FILIP1: variants seen among roughly 807,000 people sequenced by gnomAD.
FILIP1 encodes filamin-A-interacting protein 1.
In FILIP1, 61 loss-of-function variants were observed where a neutral mutation model predicts 102.1. The observed-to-expected ratio is 0.60, with a 90% CI of 0.49 to 0.74. FILIP1 has a LOEUF of 0.74. Among genes scored for constraint, FILIP1 ranks in the 30% least tolerant of loss-of-function variants. The probability of loss-of-function intolerance (pLI) is 0.00; values close to 1 mark genes in which losing one functional copy is unlikely to be tolerated. For synonymous variants in FILIP1, 491 were observed against 526.9 expected, an observed-to-expected ratio of 0.93 and a Z score of 0.93; for missense variants, 1,314 against 1,441.2, an observed-to-expected ratio of 0.91 and a Z score of 1.43.
chr6:75,417,383 CAAAT>C (rs1777303422), intron 1 of FILIP1, among the ~76,000 whole-genome samples: 1 of 152,128 alleles, frequency 6.6e-6, no homozygotes, highest in African/African-American at 2.4e-5. Context: ...TCAGCAATAA[CAAAT>C]GAATCAAGAA....
chr6:75,319,307 G>A (rs2149559626), intron 4 of FILIP1: 1 of 657,726 alleles, frequency 1.5e-6, no homozygotes, highest in Non-Finnish European at 2.9e-6. Context: ...CAATGGGCAG[G>A]CCAGGATGTT....
At position 75,313,682 on chromosome 6, in the gene FILIP1, C is replaced by A. The variant is rs1366435624; in HGVS notation, c.2150G>T (p.Ser717Ile). The change falls in exon 5 of 6, where the codon AGT (serine) becomes ATT (isoleucine). Residue 717 changes from serine to isoleucine, a missense_variant. Ser to Ile is a moderately radical substitution (Grantham distance 142). This residue lies in a region of FILIP1 where 816 missense variants were observed against 913.1 expected (regional missense o/e 0.89). Coordinates refer to ENST00000237172, the MANE Select transcript of FILIP1 (RefSeq NM_015687.5). The surrounding 1 kb of genome is among the most constrained non-coding windows in gnomAD (Gnocchi z 4.2). ...RHRFRLEEAK[S>I]RDLKAEVQAL... ...TTGTACTTCGGCTTTTAAGTCTCGA[C>A]TTTTAGCTTCTTCCAACCGAAATCT... 1 of 1,562,998 alleles carries A rather than the reference C, an allele frequency of 6.4e-7. No homozygotes were observed. Among genetic ancestry groups the A allele is most frequent in the Admixed American group, 2.0e-5 (1 of 50,530 alleles).
downstream of FILIP1, among the ~76,000 whole-genome samples, chr6:75,304,512 G>A (rs958811428): frequency 6.6e-6 from 1 of 152,112 alleles, no homozygotes; most frequent in South Asian, 2.1e-4. Flanking sequence ...TACCATGCCT[G>A]GCCAGATAAC....
At chr6:75,306,099 G>A (rs1008767036), downstream of FILIP1, among the ~76,000 whole-genome samples, 4 of 152,174 alleles carry the variant, frequency 2.6e-5, no homozygotes, top group Non-Finnish European at 4.4e-5. Context: ...GTGGCTTAAA[G>A]CAAAGCTATC....
chr6:75,294,902 A>C (rs1326710069), exon 7 of FILIP1: 5 of 112,884 alleles, frequency 4.4e-5, no homozygotes, highest in Admixed American at 1.3e-4. Context: ...TAAGACTCTC[A>C]CTGTGTTGCC....
intron 2 of FILIP1, among the ~76,000 whole-genome samples, chr6:75,374,087 C>A (rs963652088): frequency 6.6e-6 from 1 of 152,168 alleles, no homozygotes; most frequent in African/African-American, 2.4e-5. Context: ...TCACTGTCAT[C>A]CACGGATTTG....
chr6:75,341,207 C>T (rs1196834379), intron 4 of FILIP1, among the ~76,000 whole-genome samples: 1 of 150,858 alleles, frequency 6.6e-6, no homozygotes, highest in East Asian at 1.9e-4. Context: ...GTTACCCAGG[C>T]TGGAGTGCAG....
intron 4 of FILIP1, among the ~76,000 whole-genome samples, chr6:75,352,750 A>T (rs1203331293): frequency 6.6e-6 from 1 of 151,958 alleles, no homozygotes; most frequent in Non-Finnish European, 1.5e-5. Context: ...CCTTCCTGAA[A>T]AGCAGATTTC....
At chr6:75,478,256 T>C (rs1779546152) in intron 1 of FILIP1, among the ~76,000 whole-genome samples, 1 of 152,134 alleles carries the variant, frequency 6.6e-6, no homozygotes, top group Non-Finnish European at 1.5e-5. Flanking sequence ...GAGTGGCTTC[T>C]TCCAAAAAAG....
chr6:75,441,369 C>G (rs902558539), intron 1 of FILIP1, among the ~76,000 whole-genome samples: 6 of 152,294 alleles, frequency 3.9e-5, no homozygotes, highest in African/African-American at 1.4e-4. Flanking sequence ...TGAAGTCTCC[C>G]ATGTCTACTT....
At chr6:75,348,375 T>C (rs924194692) in intron 4 of FILIP1, among the ~76,000 whole-genome samples, 2 of 152,208 alleles carry the variant, frequency 1.3e-5, no homozygotes, top group African/African-American at 4.8e-5. Context: ...ATAAAAAATA[T>C]TTTTGTCTTT....
chr6:75,452,544 T>C (rs774276062), intron 1 of FILIP1, among the ~76,000 whole-genome samples: 3 of 152,208 alleles, frequency 2.0e-5, no homozygotes, highest in Non-Finnish European at 4.4e-5. Context: ...GTCTTTGCTA[T>C]ATTATTGGAT....
intron 1 of FILIP1, among the ~76,000 whole-genome samples, chr6:75,440,149 T>G (rs1213759426): frequency 6.6e-6 from 1 of 152,198 alleles, no homozygotes; most frequent in African/African-American, 2.4e-5. Context: ...TGACCTTCAT[T>G]TTGAAAATCC....
In FILIP1 at chr6:75,322,105, C is replaced by T. The variant is rs991889935; in HGVS notation, c.630-6903G>A. On this transcript the variant is annotated intron_variant, in intron 4 of 5. Coordinates refer to ENST00000237172, the MANE Select transcript of FILIP1 (RefSeq NM_015687.5). Reference sequence around the variant, plus strand: ...ATTCCACTTGCAGATGTTTTTTTCTCTTCCCTCATATTTAGAAATCCTCAT... The same window carrying T: ...ATTCCACTTGCAGATGTTTTTTTCTTTTCCCTCATATTTAGAAATCCTCAT... Among the ~76,000 whole-genome samples the T allele has an allele frequency of 2.0e-5, 3 of 152,128 alleles. No homozygotes were observed. The South Asian group carries it at 6.2e-4, about 32-fold the overall frequency.
At chr6:75,382,118 C>T (rs1356773342) in intron 2 of FILIP1, among the ~76,000 whole-genome samples, 1 of 152,218 alleles carries the variant, frequency 6.6e-6, no homozygotes, top group Admixed American at 6.5e-5. Context: ...CACTACATAA[C>T]TTGATTGGCT....
chr6:75,487,241 A>G (rs970273599), intron 1 of FILIP1, among the ~76,000 whole-genome samples: 1 of 152,142 alleles, frequency 6.6e-6, no homozygotes, highest in Non-Finnish European at 1.5e-5. Flanking sequence ...ATTAGGAAAA[A>G]TCTGAGCTGG....
At chr6:75,336,539 G>A (rs1774248697) in intron 4 of FILIP1, among the ~76,000 whole-genome samples, 1 of 151,922 alleles carries the variant, frequency 6.6e-6, no homozygotes, top group Non-Finnish European at 1.5e-5. Context: ...GGTCAGGACC[G>A]ATTATACAAT....
At chr6:75,330,946 G>A (rs369562240) in intron 4 of FILIP1, among the ~76,000 whole-genome samples, 16 of 152,202 alleles carry the variant, frequency 1.1e-4, no homozygotes, top group East Asian at 1.9e-4. Context: ...AGTTTAATCC[G>A]TAGTAATTTA....
At chr6:75,442,002 T>G (rs1279802908) in intron 1 of FILIP1, among the ~76,000 whole-genome samples, 1 of 143,980 alleles carries the variant, frequency 6.9e-6, no homozygotes, top group South Asian at 2.3e-4. Context: ...CCAGACGGGG[T>G]GGCTGCTGGG....
Sources: allele counts gnomAD v4.1 joint callset (sites outside exome capture counted in the v4.1 genomes callset), GRCh38; gene constraint gnomAD v4.1.1; regional missense constraint gnomAD v4.1.1; non-coding constraint Gnocchi (gnomAD v3.1); transcripts MANE v1.5; gene names NCBI Gene and HGNC (gene_info 2026-07-23, HGNC 2026-07-21).